The following ART5 variants were observed in gnomAD, a reference collection of about 807,000 sequenced individuals.
ART5 encodes the protein ADP-ribosyltransferase 5.
ART5 carries 22 observed loss-of-function variants against 25.0 expected under a neutral mutation model. The observed-to-expected ratio is 0.88, with a 90% CI of 0.63 to 1.26. The LOEUF is 1.26. ART5 is among the 50% of genes most tolerant of loss of function. The pLI, the probability that ART5 is intolerant of heterozygous loss-of-function variation, is 0.00. For synonymous variants in ART5, 161 were observed against 154.8 expected (o/e 1.04, Z -0.30); for missense variants, 402 against 372.8 (o/e 1.08, Z -0.64).
intron 1 of ART5, among the ~76,000 whole-genome samples, 196 bp from the exon 2 acceptor site, chr11:3,640,567 C>CT (rs33933264): frequency 5.6e-4 from 71 of 126,912 alleles, no homozygotes; most frequent in African/African-American, 1.9e-3. Context: ...GGACTGAAAT[C>CT]TTTTTTTTTT....
At position 3,638,629 on chromosome 11, in the gene ART5, TCC is replaced by T; in HGVS notation, c.*107_*108del. The T allele has an allele frequency of 7.4e-7, 1 of 1,353,924 alleles. No individual in the cohort carries two copies. Among genetic ancestry groups the T allele is most frequent in the South Asian group, 1.2e-5 (1 of 84,048 alleles). The allele number at this position is 1,353,924 out of a possible 1,614,324, so 83.9% of individuals were successfully genotyped here. A position where few individuals can be genotyped will look rare whatever the true frequency, so the allele number is the denominator to read the frequency against. On this transcript the variant is annotated 3_prime_UTR_variant, in exon 4 of 4. Coordinates refer to ENST00000397068, the MANE Select transcript of ART5 (RefSeq NM_053017.5). ...TACTTTCCTTGCTTGTCCCAGGAAG[TCC>T]CCATCACATAGCAGAGTTCCCTCAG...
intron 2 of ART5, 56 bp downstream of exon 2, chr11:3,639,586 C>T: frequency 2.6e-6 from 4 of 1,542,798 alleles, no homozygotes; most frequent in South Asian, 1.3e-5. Context: ...TGTGTAAGGA[C>T]ATCCTGGCTT....
At chr11:3,640,592 T>TG (rs2077381832) in intron 1 of ART5, among the ~76,000 whole-genome samples, 4 of 138,766 alleles carry the variant, frequency 2.9e-5, no homozygotes, top group African/African-American at 8.1e-5. Flanking sequence ...TTTTTTTTGA[T>TG]GGAGTCTTGC....
At chr11:3,642,244 CGGA>C (rs3841367), upstream of ART5, 90,478 of 1,085,526 alleles carry the variant, frequency 0.083, 3,918 homozygotes, top group Middle Eastern at 0.13. Context: ...GCGCTGTCCC[CGGA>C]GGAGTCCGGA....
chr11:3,639,061 T>A (rs2077353534), intron 2 of ART5, 26 bp from the exon 3 acceptor site: 1 of 1,550,306 alleles, frequency 6.5e-7, no homozygotes, highest in African/African-American at 1.4e-5. Flanking sequence ...GGGTGAGGCC[T>A]CCGCGTGGAC....
In ART5 at chr11:3,640,078, G is replaced by A. The variant is rs200406523; in HGVS notation, c.351C>T (p.Gly117=). 5.3e-5 allele frequency: 86 copies of A among 1,614,066 alleles called. 1 individual carries two copies. The highest frequency in any genetic ancestry group is 6.7e-5 in the Admixed American group (4 of 60,016). ...YWELNQAVRT[G]GGSRELYMRH... Reference sequence around the variant, plus strand: ...TCATGTAGAGCTCCCGGGAGCCTCCGCCCGTCCGCACGGCCTGATTCAACT... The same window carrying A: ...TCATGTAGAGCTCCCGGGAGCCTCCACCCGTCCGCACGGCCTGATTCAACT... Residue 117 remains glycine (G), a synonymous_variant, in exon 2 of 4, where the codon GGC becomes GGT. Transcript: ENST00000397068.
chr11:3,642,367 G>T, upstream of ART5: 1 of 847,066 alleles, frequency 1.2e-6, no homozygotes, highest in Non-Finnish European at 1.4e-6. Flanking sequence ...CGCCAGGGCA[G>T]GGACTGAGGA....
Position 3,639,758 on chromosome 11 carries a change from A to C in ART5, c.671T>G (p.Ile224Ser), listed in dbSNP as rs146749287. Residue 224 changes from isoleucine to serine, a missense_variant, in exon 2 of 4, where the codon ATT becomes AGT. By Grantham distance (142) the Ile-to-Ser change is moderately radical (BLOSUM62 -2). Transcript: ENST00000397068. The part of the protein sequence containing the change: ...SVFPKEREVL[I>S]PPHEVFLVTR... ...AACCAAAAAGACTTCATGGGGGGGA[A>C]TCAGCACCTCGCGCTCCTTGGGAAA... is the stretch of plus-strand genomic sequence containing the variant. 9.0e-5 allele frequency: 145 copies of C among 1,614,188 alleles called. 1 individual carries two copies. In the African/African-American group the frequency reaches 1.7e-3, roughly 19 times the overall value.
At position 3,640,372 on chromosome 11, in the gene ART5, C is replaced by T. The variant is rs945230925; in HGVS notation, c.58-1G>A. On this transcript the variant is annotated splice_acceptor_variant, in intron 1 of 3. Transcript: ENST00000397068. LOFTEE classifies it high-confidence loss of function. ...GGGGCAGGATGGGAACAGCCTGGGC[C>T]TGTGGAGCAAAAGAGGTGCCACACC... 6.3e-7 allele frequency: 1 copy of T among 1,588,514 alleles called. No individual in the cohort carries two copies. Among genetic ancestry groups the T allele is most frequent in the Non-Finnish European group, 8.6e-7 (1 of 1,167,468 alleles).
In ART5 at chr11:3,638,769, T is replaced by C. The variant is rs1565027052; in HGVS notation, c.845A>G (p.His282Arg). ...CTGCTGGAGGTGCCTCTTCGTCATATGAAGGTCACCCGTTCCCAGGGCTCC... is the reference window on the plus strand; with the variant it reads ...CTGCTGGAGGTGCCTCTTCGTCATACGAAGGTCACCCGTTCCCAGGGCTCC... The part of the protein sequence containing the change: ...APGALGTGDL[H>R]MTKRHLQQP The change falls in exon 4 of 4, where the codon CAT becomes CGT. Residue 282 changes from histidine (H) to arginine (R), a missense_variant. By Grantham distance (29) the His-to-Arg change is conservative (BLOSUM62 0). Transcript: ENST00000397068. The C allele has an allele frequency of 3.1e-6, 5 of 1,614,106 alleles. No homozygotes were observed. The Admixed American group carries it at 6.7e-5, about 22-fold the overall frequency.
chr11:3,642,350 G>A, upstream of ART5: 1 of 964,230 alleles, frequency 1.0e-6, no homozygotes, highest in Non-Finnish European at 1.2e-6. Context: ...GGGGCCGGGA[G>A]CGGGCGCGCC....
Position 3,640,157 on chromosome 11 carries a change from T to A in ART5, c.272A>T (p.Gln91Leu). Residue 91 changes from glutamine (Q) to leucine (L), a missense_variant, in exon 2 of 4, where the codon CAG becomes CTG. By Grantham distance (113) the Gln-to-Leu change is moderately radical (BLOSUM62 -2). Transcript: ENST00000397068. ...GTAGACCATAATGGCTATTCCATTC[T>A]GGGCTTTGAAGCCAGGGGGCAAGGT... is the stretch of plus-strand genomic sequence containing the variant. ...GLTLPPGFKA[Q>L]NGIAIMVYTN... is the part of the protein sequence containing the mutation. 1.2e-6 allele frequency: 2 copies of A among 1,614,178 alleles called. No homozygotes were observed. The highest frequency in any genetic ancestry group is 2.7e-5 in the African/African-American group (2 of 75,078).
Position 3,639,027 on chromosome 11 carries a change from T to C in ART5, c.796A>G (p.Arg266Gly), listed in dbSNP as rs1279556388. The C allele has an allele frequency of 6.4e-7, 1 of 1,552,748 alleles. No individual in the cohort carries two copies. The highest frequency in any genetic ancestry group is 2.4e-5 in the East Asian group (1 of 41,030). The change falls in exon 3 of 4, where the codon AGG (arginine) becomes GGG (glycine). Residue 266 changes from arginine (R) to glycine (G), a missense_variant. Physicochemically the swap from Arg to Gly is moderately radical, Grantham distance 125. Coordinates refer to ENST00000397068, the MANE Select transcript of ART5 (RefSeq NM_053017.5). ...FNCAYLGGEK[R>G]RGCVSAPGAL... ...CCTGGCGCAGACACACAGCCCCGCC[T>C]CTTCTCCCCTGCAACAGACAGCAGG...
intron 2 of ART5, 91 bp downstream of exon 2, chr11:3,639,551 G>A (rs2077360454): frequency 6.7e-7 from 1 of 1,494,714 alleles, no homozygotes. Flanking sequence ...AACCAAGTGG[G>A]TCTCCCGAAG....
At chr11:3,639,097 C>T (rs1455120789) in intron 2 of ART5, 62 bp from the exon 3 acceptor site, 1 of 1,532,886 alleles carries the variant, frequency 6.5e-7, no homozygotes, top group Non-Finnish European at 8.8e-7. Flanking sequence ...CTGCCTGGCC[C>T]ACCAGGCCCT....
chr11:3,639,039 C>A lies in ART5; in HGVS notation c.788-4G>T, dbSNP rs1218480407. ...ACACAGCCCCGCCTCTTCTCCCCTG[C>A]AACAGACAGCAGGGTGAGGCCTCCG... On this transcript the variant is annotated splice_polypyrimidine_tract_variant and splice_region_variant and intron_variant, in intron 2 of 3. Transcript: ENST00000397068. 3 of 1,551,760 alleles carry A rather than the reference C, an allele frequency of 1.9e-6. No individual in the cohort carries two copies. Among genetic ancestry groups the A allele is most frequent in the African/African-American group, 1.4e-5 (1 of 73,074 alleles).
At chr11:3,642,133 G>A (rs2077412155), upstream of ART5, 2 of 1,309,262 alleles carry the variant, frequency 1.5e-6, no homozygotes, top group Admixed American at 3.4e-5. Context: ...CGGGGCCGCA[G>A]TTTGGCTCCG....
chr11:3,639,773 T>A lies in ART5; in HGVS notation c.656A>T (p.Glu219Val), dbSNP rs769769262. The A allele has an allele frequency of 1.2e-6, 2 of 1,614,100 alleles. No individual in the cohort carries two copies. The highest frequency in any genetic ancestry group is 8.5e-7 in the Non-Finnish European group (1 of 1,180,014). Residue 219 changes from glutamate (E) to valine (V), a missense_variant, in exon 2 of 4, where the codon GAG becomes GTG. Coordinates refer to ENST00000397068, the MANE Select transcript of ART5 (RefSeq NM_053017.5). ...PIQAFSVFPK[E>V]REVLIPPHEV... ...ATGGGGGGGAATCAGCACCTCGCGC[T>A]CCTTGGGAAAGACAGAGAAGGCCTG...
At position 3,641,826 on chromosome 11, in the gene ART5, G is replaced by A. The variant is rs779010429; in HGVS notation, c.37C>T (p.Leu13Phe). 15 of 1,578,174 alleles carry A rather than the reference G, an allele frequency of 9.5e-6. No homozygotes were observed. The highest frequency in any genetic ancestry group is 5.7e-5 in the Admixed American group (3 of 52,882). Residue 13 changes from leucine to phenylalanine, a missense_variant, in exon 1 of 4, where the codon CTC (leucine) becomes TTC (phenylalanine). By Grantham distance (22) the Leu-to-Phe change is conservative (BLOSUM62 0). Coordinates refer to ENST00000397068, the MANE Select transcript of ART5 (RefSeq NM_053017.5). Reference sequence around the variant, plus strand: ...GTTACCTGCCAGGTGTGGAGGCCGAGGCTGCCGAGGGCGATCATCAAAGCC... The same window carrying A: ...GTTACCTGCCAGGTGTGGAGGCCGAAGCTGCCGAGGGCGATCATCAAAGCC... ...LAALMIALGSLGLHTWQAQAV... is the reference protein window; with the variant it reads ...LAALMIALGSFGLHTWQAQAV...
Sources: allele counts gnomAD v4.1 joint callset (sites outside exome capture counted in the v4.1 genomes callset), GRCh38; gene constraint gnomAD v4.1.1; transcripts MANE v1.5; gene names NCBI Gene and HGNC (gene_info 2026-07-23, HGNC 2026-07-21).